The following ZNF184 variants were observed in gnomAD, a reference collection of about 807,000 sequenced individuals.
ZNF184 encodes the protein zinc finger protein 184 (Kruppel-like).
Under a neutral mutation model 54.4 loss-of-function variants are expected in ZNF184, and 16 were observed. That is an observed-to-expected ratio of 0.29 (90% CI 0.20 to 0.45). ZNF184 has a LOEUF of 0.45. Among genes scored for constraint, ZNF184 ranks in the 20% least tolerant of loss-of-function variants. The pLI, the probability that ZNF184 is intolerant of heterozygous loss-of-function variation, is 1.00. For missense variants in ZNF184, 681 were observed against 888.2 expected, an observed-to-expected ratio of 0.77 and a Z score of 2.97; for synonymous variants, 254 against 295.3, an observed-to-expected ratio of 0.86 and a Z score of 1.43.
chr6:27,440,485 T>C, the ZNF184 span, among the ~76,000 whole-genome samples: 1 of 152,186 alleles, frequency 6.6e-6, no homozygotes, highest in Admixed American at 6.5e-5. Context: ...GCAGTGATCA[T>C]TTGCTTTTTT....
In ZNF184 at chr6:27,452,455, A is replaced by G; in HGVS notation, c.1104T>C (p.Asp368=). 6.2e-7 allele frequency: 1 copy of G among 1,613,898 alleles called. No individual in the cohort carries two copies. Among genetic ancestry groups the G allele is most frequent in the Non-Finnish European group, 8.5e-7 (1 of 1,179,970 alleles). The change falls in exon 6 of 6, where the codon GAT becomes GAC. Residue 368 remains aspartate (D), a synonymous_variant. Transcript: ENST00000683788. The surrounding 1 kb of genome is among the most constrained non-coding windows in gnomAD (Gnocchi z 5.5). ...GGTGTGTGCTCCTGGTGAAGGTTTT[A>G]TCACATTCATCACATTTAAAAGGTT... ...GEKPFKCDEC[D]KTFTRSTHLT...
At chr6:27,456,407 T>C (rs1485856977) in intron 5 of ZNF184, among the ~76,000 whole-genome samples, 1 of 152,174 alleles carries the variant, frequency 6.6e-6, no homozygotes, top group Non-Finnish European at 1.5e-5. Flanking sequence ...AAGATTCATA[T>C]TGTGGAGTAA....
chr6:27,463,074 G>A (rs2393961), intron 3 of ZNF184, among the ~76,000 whole-genome samples: 40 of 15,412 alleles, frequency 2.6e-3, no homozygotes, highest in African/African-American at 5.3e-3. Context: ...AAAAAAAAAA[G>A]AGAGAACACA....
chr6:27,435,443 T>C, the ZNF184 span, among the ~76,000 whole-genome samples: 2 of 152,188 alleles, frequency 1.3e-5, no homozygotes, highest in Non-Finnish European at 2.9e-5. Context: ...TTCTGGATTG[T>C]TCCTTGTTAG....
the ZNF184 span, among the ~76,000 whole-genome samples, chr6:27,422,490 C>T: frequency 6.6e-6 from 1 of 151,298 alleles, no homozygotes; most frequent in Non-Finnish European, 1.5e-5. Flanking sequence ...GGAAACAAAA[C>T]GACAAAAAAA....
At chr6:27,471,558 T>C (rs962390550) in intron 2 of ZNF184, among the ~76,000 whole-genome samples, 3 of 152,214 alleles carry the variant, frequency 2.0e-5, no homozygotes, top group East Asian at 1.9e-4. Context: ...TCCAAAGAGC[T>C]ATGTTTACCA....
the ZNF184 span, among the ~76,000 whole-genome samples, chr6:27,440,597 T>C: frequency 6.6e-6 from 1 of 152,186 alleles, no homozygotes; most frequent in East Asian, 1.9e-4. Context: ...TGTAAAGGTG[T>C]TGACAAGGAA....
At chr6:27,414,929 C>T in the ZNF184 span, among the ~76,000 whole-genome samples, 1 of 152,256 alleles carries the variant, frequency 6.6e-6, no homozygotes, top group African/African-American at 2.4e-5. Flanking sequence ...TGGGCTCACG[C>T]CTCATGATAG....
chr6:27,409,498 CAA>C, the ZNF184 span, among the ~76,000 whole-genome samples: 1 of 39,936 alleles, frequency 2.5e-5, no homozygotes, highest in African/African-American at 9.5e-5. Context: ...GACTCCGTCT[CAA>C]AAAAAAAAAA....
the ZNF184 span, among the ~76,000 whole-genome samples, chr6:27,422,059 T>A: frequency 6.6e-6 from 1 of 150,436 alleles, no homozygotes; most frequent in Non-Finnish European, 1.5e-5. Flanking sequence ...GAGGATCGCT[T>A]GAGCCTAGGA....
the ZNF184 span, among the ~76,000 whole-genome samples, chr6:27,415,849 A>G: frequency 6.6e-6 from 1 of 152,186 alleles, no homozygotes; most frequent in African/African-American, 2.4e-5. Flanking sequence ...ATAACAAAGT[A>G]CCACAAACTG....
At chr6:27,424,072 G>C in the ZNF184 span, among the ~76,000 whole-genome samples, 1 of 152,274 alleles carries the variant, frequency 6.6e-6, no homozygotes, top group Non-Finnish European at 1.5e-5. Flanking sequence ...CACGCCTGGA[G>C]TTTGTTCCTT....
the ZNF184 span, among the ~76,000 whole-genome samples, chr6:27,411,495 G>A: frequency 2.0e-5 from 3 of 152,212 alleles, no homozygotes; most frequent in African/African-American, 7.2e-5. Context: ...TGCAGAGGGG[G>A]ATTTCTGACA....
chr6:27,440,922 A>G, the ZNF184 span, among the ~76,000 whole-genome samples: 2,071 of 152,076 alleles, frequency 0.014, 33 homozygotes, highest in African/African-American at 0.031. Context: ...GAAGAACGGC[A>G]TGAACCCGGG....
intron 2 of ZNF184, among the ~76,000 whole-genome samples, chr6:27,468,968 A>C (rs1763207819): frequency 6.6e-6 from 1 of 152,222 alleles, no homozygotes; most frequent in African/African-American, 2.4e-5. Context: ...TATATTGTAC[A>C]GTATTTGTGC....
Position 27,451,546 on chromosome 6 carries a change from C to G in ZNF184, c.2013G>C (p.Lys671Asn). 1 of 1,614,018 alleles carries G rather than the reference C, an allele frequency of 6.2e-7. No homozygotes were observed. The highest frequency in any genetic ancestry group is 1.1e-5 in the South Asian group (1 of 91,070). ...TAAAGGCTTTGTCACATTCATTGCACTTATAGGGCTTCTCCCCAGTGTGAA... is the reference window on the plus strand; with the variant it reads ...TAAAGGCTTTGTCACATTCATTGCAGTTATAGGGCTTCTCCCCAGTGTGAA... ...QRIHTGEKPY[K>N]CNECDKAFSR... is the part of the protein sequence containing the mutation. Residue 671 changes from lysine (K) to asparagine (N), a missense_variant, in exon 6 of 6, where the codon AAG (lysine) becomes AAC (asparagine). Lys to Asn is a moderately conservative substitution (Grantham distance 94). Transcript: ENST00000683788.
At chr6:27,412,089 A>C in the ZNF184 span, among the ~76,000 whole-genome samples, 1 of 152,352 alleles carries the variant, frequency 6.6e-6, no homozygotes, top group East Asian at 1.9e-4. Flanking sequence ...CAACTGCCAC[A>C]AACTCCATTT....
At chr6:27,465,644 T>C (rs1203791936) in intron 3 of ZNF184, among the ~76,000 whole-genome samples, 1 of 152,000 alleles carries the variant, frequency 6.6e-6, no homozygotes, top group Admixed American at 6.6e-5. Context: ...CTACCAGGCA[T>C]TAAAAACACT....
the ZNF184 span, among the ~76,000 whole-genome samples, chr6:27,434,031 CTTTG>C: frequency 8.7e-6 from 1 of 115,360 alleles, no homozygotes; most frequent in Non-Finnish European, 1.7e-5. Context: ...TTTCTTTCCT[CTTTG>C]TTTGAGACAG....
Sources: gnomAD v4.1 joint callset for allele counts (sites outside exome capture counted in the v4.1 genomes callset) on GRCh38, gnomAD v4.1.1 for gene constraint, Gnocchi (gnomAD v3.1) non-coding constraint, MANE v1.5 for transcripts, NCBI Gene and HGNC (gene_info 2026-07-23, HGNC 2026-07-21) for gene names.